TNNT1: variants seen among roughly 807,000 people sequenced by gnomAD.
The protein encoded by TNNT1 is troponin T1, slow skeletal type.
In TNNT1, 53 loss-of-function variants were observed where a neutral mutation model predicts 50.6. The ratio of observed to expected loss-of-function variants is 1.05; its 90% CI spans 0.84 to 1.32. TNNT1 has a LOEUF of 1.32. TNNT1 is among the 40% of genes most tolerant of loss of function. The probability of loss-of-function intolerance (pLI) is 0.00; values close to 1 mark genes in which losing one functional copy is unlikely to be tolerated. For missense variants in TNNT1, 348 were observed against 381.7 expected (o/e 0.91, Z 0.74); for synonymous variants, 142 against 138.0 (o/e 1.03, Z -0.20).
chr19:55,142,158 T>G, intron 6 of TNNT1: 1 of 446,696 alleles, frequency 2.2e-6, no homozygotes, highest in Admixed American at 3.5e-5. Flanking sequence ...TCTTGCTCTG[T>G]CACCCAGGCT....
At chr19:55,146,394 C>T (rs2085552128) in intron 5 of TNNT1, 40 bp downstream of exon 5, 3 of 1,340,878 alleles carry the variant, frequency 2.2e-6, no homozygotes, top group Non-Finnish European at 2.9e-6. Flanking sequence ...CCCCCCGGGC[C>T]CCCGACATCG....
At chr19:55,133,058 T>A in intron 13 of TNNT1, 98 bp from the exon 14 acceptor site, 1 of 1,086,400 alleles carries the variant, frequency 9.2e-7, no homozygotes, top group Non-Finnish European at 1.4e-6. Context: ...CCCAAAATAT[T>A]AGCCCTCCCT....
intron 10 of TNNT1, 125 bp from the exon 11 acceptor site, chr19:55,137,337 G>A: frequency 2.9e-6 from 2 of 687,386 alleles, no homozygotes; most frequent in Non-Finnish European, 5.2e-6. Flanking sequence ...TGCACCCCAG[G>A]CCCATCTCCT....
At chr19:55,146,798 CG>C in intron 3 of TNNT1, 91 bp from the exon 4 acceptor site, 2 of 1,188,588 alleles carry the variant, frequency 1.7e-6, no homozygotes, top group Admixed American at 2.9e-5. Context: ...CTCTGCTGGA[CG>C]GGGGTCCCTC....
chr19:55,141,827 G>A, intron 7 of TNNT1, 30 bp downstream of exon 7: 1 of 1,612,842 alleles, frequency 6.2e-7, no homozygotes, highest in Non-Finnish European at 8.5e-7. Flanking sequence ...ACTAGCAACT[G>A]CGCCTGCGGA....
rs77499080 is a variant in TNNT1, at chr19:55,135,189, GCTCTT to G, written c.612-990_612-986del. 5.5e-3 allele frequency among the ~76,000 whole-genome samples: 833 copies of G among 150,650 alleles called. 3 individuals carry two copies. The highest frequency in any genetic ancestry group is 0.02 in the Middle Eastern group (6 of 294). Reference sequence around the variant, plus strand: ...TGCGGCTTCCAAAAGAGACTGTGTGGCTCTTCTCTTGCGTCTTCTTTCTGCTGCTT... The same window carrying G: ...TGCGGCTTCCAAAAGAGACTGTGTGGCTCTTGCGTCTTCTTTCTGCTGCTT... On this transcript the variant is annotated intron_variant, in intron 11 of 13. Transcript: ENST00000588981.
At chr19:55,147,785 T>G (rs113184739) in intron 1 of TNNT1, among the ~76,000 whole-genome samples, 8,291 of 44,796 alleles carry the variant, frequency 0.19, 330 homozygotes, top group Middle Eastern at 0.28. Context: ...GGGAGGAGGG[T>G]CTGGGGGCCT....
chr19:55,146,621 G>A (rs1254605726), intron 4 of TNNT1, 60 bp downstream of exon 4: 70 of 1,182,570 alleles, frequency 5.9e-5, no homozygotes, highest in Non-Finnish European at 8.1e-5. Context: ...CCTCCTCCCG[G>A]GCCCAGCGTC....
At chr19:55,147,216 G>A in intron 1 of TNNT1, 48 bp from the exon 2 acceptor site, 1 of 1,586,804 alleles carries the variant, frequency 6.3e-7, no homozygotes, top group Non-Finnish European at 8.6e-7. Flanking sequence ...CCCAAGGAGG[G>A]GGCGACCTAG....
Position 55,134,209 on chromosome 19 carries a change from G to T in TNNT1, c.612-5C>A. 1.9e-6 allele frequency: 3 copies of T among 1,563,110 alleles called. No individual in the cohort carries two copies. The highest frequency in any genetic ancestry group is 2.6e-6 in the Non-Finnish European group (3 of 1,153,592). Reference sequence around the variant, plus strand: ...GGCAGCCAGGCAGACCGGGCCCTAGGCCCAGGGACGGAGAGGAACTTGGGC... The same window carrying T: ...GGCAGCCAGGCAGACCGGGCCCTAGTCCCAGGGACGGAGAGGAACTTGGGC... On this transcript the variant is annotated splice_region_variant and splice_polypyrimidine_tract_variant and intron_variant, in intron 11 of 13. Transcript: ENST00000588981.
chr19:55,142,617 TCAC>T (rs1213746031), intron 6 of TNNT1, among the ~76,000 whole-genome samples: 1 of 150,642 alleles, frequency 6.6e-6, no homozygotes, highest in Middle Eastern at 3.4e-3. Flanking sequence ...CCATCTCTGC[TCAC>T]CACAACAACC....
chr19:55,143,086 T>A (rs1040718003), intron 6 of TNNT1, among the ~76,000 whole-genome samples: 7 of 151,800 alleles, frequency 4.6e-5, no homozygotes, highest in African/African-American at 1.7e-4. Context: ...GGAGAATCGC[T>A]TGAACCCCGG....
chr19:55,140,909 C>T lies in TNNT1; in HGVS notation c.361G>A (p.Glu121Lys). 1 of 1,613,816 alleles carries T rather than the reference C, an allele frequency of 6.2e-7. No homozygotes were observed. The highest frequency in any genetic ancestry group is 1.3e-5 in the African/African-American group (1 of 75,032). The change falls in exon 9 of 14, where the codon GAA (glutamate) becomes AAA (lysine). Residue 121 changes from glutamate (E) to lysine (K), a missense_variant. Glu to Lys is a moderately conservative substitution (Grantham distance 56, BLOSUM62 1). Coordinates refer to ENST00000588981, the MANE Select transcript of TNNT1 (RefSeq NM_003283.6). Reference sequence around the variant, plus strand: ...GCCAGCTTAGCCTGACGTTCGCGTTCCTTCTCAGTTCTGAAGCGCTGTTGC... The same window carrying T: ...GCCAGCTTAGCCTGACGTTCGCGTTTCTTCTCAGTTCTGAAGCGCTGTTGC... ...AEQQRFRTEK[E>K]RERQAKLAEE... is the part of the protein sequence containing the mutation.
chr19:55,142,048 C>A (rs1227252146), intron 6 of TNNT1, 128 bp from the exon 7 acceptor site: 1 of 831,468 alleles, frequency 1.2e-6, no homozygotes, highest in Non-Finnish European at 2.1e-6. Flanking sequence ...AGGGTCCCAG[C>A]TGAGGCGGGC....
Position 55,133,045 on chromosome 19 carries a change from T to C in TNNT1, c.792-85A>G. 3.3e-6 allele frequency: 4 copies of C among 1,222,012 alleles called. No individual in the cohort carries two copies. In the East Asian group the frequency reaches 7.5e-5, roughly 23 times the overall value. 75.7% of individuals were successfully genotyped at this position (1,222,012 alleles called of 1,614,324 possible). A position where few individuals can be genotyped will look rare whatever the true frequency, so the allele number is the denominator to read the frequency against. ...CCAGGCCCTCAATTCAGGAAGCCCA[T>C]TCCCCAAAATATTAGCCCTCCCTGC... On this transcript the variant is annotated intron_variant, in intron 13 of 13. Transcript: ENST00000588981.
chr19:55,146,931 G>A (rs2085567898), intron 3 of TNNT1, 77 bp downstream of exon 3: 2 of 1,496,426 alleles, frequency 1.3e-6, no homozygotes, highest in Admixed American at 2.1e-5. Context: ...CCGCCAAAGT[G>A]CCACACTCCT....
intron 6 of TNNT1, among the ~76,000 whole-genome samples, chr19:55,144,072 C>CCCCCCT (rs1415495612): frequency 8.1e-6 from 1 of 124,010 alleles, no homozygotes; most frequent in Non-Finnish European, 1.7e-5. Context: ...ACCCCACCCC[C>CCCCCCT]TTTTTTTTTT....
chr19:55,145,498 T>C (rs1370556074), intron 6 of TNNT1, 46 bp downstream of exon 6: 3 of 1,598,938 alleles, frequency 1.9e-6, no homozygotes, highest in Admixed American at 3.4e-5. Flanking sequence ...AGAGGGAATA[T>C]TTAGGAAGAT....
At chr19:55,142,025 C>G (rs778375043) in intron 6 of TNNT1, 105 bp from the exon 7 acceptor site, 11 of 1,168,146 alleles carry the variant, frequency 9.4e-6, no homozygotes, top group Non-Finnish European at 1.4e-5. Context: ...CCCCGGGAGG[C>G]TCCTGAACGT....
Sources: allele counts gnomAD v4.1 joint callset (sites outside exome capture counted in the v4.1 genomes callset), GRCh38; gene constraint gnomAD v4.1.1; transcripts MANE v1.5; gene names NCBI Gene and HGNC (gene_info 2026-07-23, HGNC 2026-07-21).